NDRG4: variants seen among roughly 807,000 people sequenced by gnomAD.
NDRG4 encodes NDRG family member 4.
A neutral mutation model predicts 55.8 loss-of-function variants in NDRG4; 38 were observed. The observed-to-expected ratio is 0.68, with a 90% CI of 0.53 to 0.89. The LOEUF (loss-of-function observed/expected upper bound fraction) is 0.89. NDRG4 is among the 40% of genes least tolerant of loss of function. NDRG4 has a pLI of 0.00. For missense variants in NDRG4, 455 were observed against 468.6 expected (o/e 0.97, Z 0.27); for synonymous variants, 190 against 182.7 (o/e 1.04, Z -0.32).
chr16:58,506,542 GCC>G lies in NDRG4; in HGVS notation c.460-14_460-13del. On this transcript the variant is annotated splice_polypyrimidine_tract_variant and intron_variant, in intron 6 of 14. Transcript: ENST00000570248. ...GGTGAGGGGCGGCACTCACGCTGGC[GCC>G]CTGCTCCCTGCAGCTCTCCGGCCTA... is the stretch of plus-strand genomic sequence containing the variant. 6.3e-7 allele frequency: 1 copy of G among 1,599,282 alleles called. No individual in the cohort carries two copies. Among genetic ancestry groups the G allele is most frequent in the South Asian group, 1.1e-5 (1 of 89,484 alleles).
At chr16:58,506,349 C>A in intron 5 of NDRG4, 38 bp from the exon 6 acceptor site, 1 of 1,597,572 alleles carries the variant, frequency 6.3e-7, no homozygotes. Flanking sequence ...CTGCACCCAT[C>A]CTGGCCCCGC....
downstream of NDRG4, among the ~76,000 whole-genome samples, chr16:58,515,283 G>A (rs1430065291): frequency 6.6e-6 from 1 of 152,240 alleles, no homozygotes; most frequent in South Asian, 2.1e-4. Flanking sequence ...CCGAAGGCCA[G>A]GGCTGTACCT....
intron 1 of NDRG4, chr16:58,475,564 T>C (rs776797181): frequency 1.1e-4 from 52 of 454,134 alleles, no homozygotes; most frequent in Non-Finnish European, 1.1e-4. Flanking sequence ...AGAAAACCCA[T>C]GGTAATAATA....
intron 1 of NDRG4, chr16:58,501,024 G>C: frequency 4.0e-6 from 5 of 1,244,888 alleles, no homozygotes; most frequent in Non-Finnish European, 3.0e-6. Flanking sequence ...GAAGCTGGCA[G>C]GGCTAGGGGA....
intron 1 of NDRG4, among the ~76,000 whole-genome samples, chr16:58,482,341 T>G (rs994106153): frequency 6.6e-6 from 1 of 152,206 alleles, no homozygotes; most frequent in African/African-American, 2.4e-5. Context: ...CCTCTTTTCT[T>G]GTTTGGCCTC....
rs370447012 is a variant in NDRG4, at chr16:58,477,161, G to GATATATAT, written c.-23-10586_-23-10579dup. On this transcript the variant is annotated intron_variant, in intron 1 of 15. Transcript: ENST00000258187. ...ATATATGTGTGATATATATATATGTGATATATATATATATATGTATGTGTG... is the reference window on the plus strand; with the variant it reads ...ATATATGTGTGATATATATATATGTGATATATATATATATATATATATATGTATGTGTG... 6.8e-5 allele frequency among the ~76,000 whole-genome samples: 10 copies of GATATATAT among 147,934 alleles called. No individual in the cohort carries two copies. The Admixed American group carries it at 6.8e-4, about 10-fold the overall frequency.
chr16:58,465,225 C>T (rs1167058233), intron 1 of NDRG4: 4 of 699,274 alleles, frequency 5.7e-6, no homozygotes, highest in Non-Finnish European at 8.9e-6. Flanking sequence ...GTCAGATGAG[C>T]ACAGATTCCA....
rs572251728 is a variant in NDRG4, at chr16:58,484,883, C to CTTT, written c.-23-2856_-23-2854dup. ...GCTTCTTAAAAAAAATCATAACTTACTTTTTTTTTTTTTTTTTTTGATGGA... is the reference window on the plus strand; with the variant it reads ...GCTTCTTAAAAAAAATCATAACTTACTTTTTTTTTTTTTTTTTTTTTTGATGGA... On this transcript the variant is annotated intron_variant, in intron 1 of 15. Transcript: ENST00000258187. Among the ~76,000 whole-genome samples the CTTT allele has an allele frequency of 4.6e-3, 622 of 133,874 alleles. 9 individuals are homozygous for CTTT. Among genetic ancestry groups the CTTT allele is most frequent in the African/African-American group, 0.016 (581 of 35,348 alleles). 87.8% of individuals were successfully genotyped at this position (133,874 alleles called of 152,430 possible). A position where few individuals can be genotyped will look rare whatever the true frequency, so the allele number is the denominator to read the frequency against.
Position 58,506,491 on chromosome 16 carries a change from G to A in NDRG4, c.459+18G>A, listed in dbSNP as rs2151824147. The A allele has an allele frequency of 1.9e-6, 3 of 1,607,786 alleles. No homozygotes were observed. Among genetic ancestry groups the A allele is most frequent in the African/African-American group, 2.7e-5 (2 of 74,562 alleles). On this transcript the variant is annotated intron_variant, in intron 6 of 14. Transcript: ENST00000570248. ...CCACCAAGGTGTGTGTGGTGACCGG[G>A]GGTGGGGTGGGTATACCTAGGGTGG...
upstream of NDRG4, among the ~76,000 whole-genome samples, chr16:58,497,937 A>G (rs9788945): frequency 0.66 from 100,391 of 151,760 alleles, 33,411 homozygotes; most frequent in East Asian, 0.79. Flanking sequence ...TTACAATTAG[A>G]AGCCTGAGAC....
At chr16:58,488,545 G>T (rs1369442943) in intron 2 of NDRG4, among the ~76,000 whole-genome samples, 1 of 152,094 alleles carries the variant, frequency 6.6e-6, no homozygotes, top group Non-Finnish European at 1.5e-5. Context: ...CAGGGCTGGG[G>T]TCCCTGCAAG....
At chr16:58,466,872 C>T (rs1023988011) in intron 1 of NDRG4, among the ~76,000 whole-genome samples, 4 of 152,180 alleles carry the variant, frequency 2.6e-5, no homozygotes, top group African/African-American at 7.2e-5. Flanking sequence ...ATAGTGTAGG[C>T]GACACACGTG....
chr16:58,511,155 G>C, intron 14 of NDRG4: 5 of 520,592 alleles, frequency 9.6e-6, no homozygotes, highest in Non-Finnish European at 1.7e-5. Context: ...ATCCTCTTGA[G>C]GGAGGCACGG....
intron 1 of NDRG4, among the ~76,000 whole-genome samples, chr16:58,470,713 CCTGGCCA>C (rs993660880): frequency 6.6e-6 from 1 of 151,906 alleles, no homozygotes; most frequent in Admixed American, 6.6e-5. Context: ...TCAAGACTGG[CCTGGCCA>C]ACATGGCAAA....
intron 2 of NDRG4, chr16:58,487,914 G>C: frequency 7.8e-7 from 1 of 1,284,084 alleles, no homozygotes; most frequent in Non-Finnish European, 1.1e-6. Context: ...CCAAGAGGGA[G>C]ACCGCGTGCC....
chr16:58,504,855 CAT>C (rs2037649451), intron 5 of NDRG4: 2 of 590,312 alleles, frequency 3.4e-6, no homozygotes, highest in Non-Finnish European at 6.0e-6. Flanking sequence ...TTCCTTTCTC[CAT>C]ATAGTTTTCT....
intron 8 of NDRG4, 35 bp downstream of exon 8, chr16:58,507,050 C>T (rs374699887): frequency 5.8e-6 from 9 of 1,547,348 alleles, no homozygotes; most frequent in Admixed American, 5.2e-5. Context: ...GGACCCAGCA[C>T]ACCCCAGTGG....
chr16:58,502,870 G>T (rs1028745518), intron 1 of NDRG4, among the ~76,000 whole-genome samples: 1 of 152,238 alleles, frequency 6.6e-6, no homozygotes, highest in Admixed American at 6.5e-5. Flanking sequence ...GAGTGGCTAA[G>T]AATGCCCAGT....
chr16:58,514,330 C>T (rs1466192239), downstream of NDRG4, among the ~76,000 whole-genome samples: 6 of 152,162 alleles, frequency 3.9e-5, no homozygotes, highest in African/African-American at 1.2e-4. Context: ...TATTTAAAAG[C>T]TTAATATTTT....
Sources: allele counts gnomAD v4.1 joint callset (sites outside exome capture counted in the v4.1 genomes callset), GRCh38; gene constraint gnomAD v4.1.1; transcripts MANE v1.5; gene names NCBI Gene and HGNC (gene_info 2026-07-23, HGNC 2026-07-21).